The following IGSF3 variants were observed in gnomAD, a reference collection of about 807,000 sequenced individuals.
The protein encoded by IGSF3 is glu-Trp-Ile EWI motif-containing protein 3.
In IGSF3, 23 loss-of-function variants were observed where a neutral mutation model predicts 114.4. The observed-to-expected ratio is 0.20, with a 90% confidence interval of 0.14 to 0.28. IGSF3 has a LOEUF of 0.28. Among genes scored for constraint, IGSF3 ranks in the 10% least tolerant of loss-of-function variants. The pLI, the probability that IGSF3 is intolerant of heterozygous loss-of-function variation, is 1.00. For missense variants in IGSF3, 1,172 were observed against 1,591.5 expected (o/e 0.74, Z 4.48); for synonymous variants, 571 against 645.2 (o/e 0.88, Z 1.74).
chr1:116,650,139 T>C lies in IGSF3; in HGVS notation c.43+16145A>G, dbSNP rs1648569340. ...GAATGGTACAAGAAGAAATCCTGTT[T>C]CATGCTCCTTTGAGGGAGTGTCTAA... is the stretch of plus-strand genomic sequence containing the variant. On this transcript the variant is annotated intron_variant, in intron 2 of 10. Coordinates refer to ENST00000369486, the MANE Select transcript of IGSF3 (RefSeq NM_001007237.3). This position sits in a 1 kb window ranked among gnomAD's most constrained non-coding sequence, Gnocchi z 5.0. 6.6e-6 allele frequency among the ~76,000 whole-genome samples: 1 copy of C among 152,218 alleles called. No homozygotes were observed. The highest frequency in any genetic ancestry group is 2.4e-5 in the African/African-American group (1 of 41,454).
rs1660989096 is a variant in IGSF3, at chr1:116,610,746, A to C, written c.833-2415T>G. On this transcript the variant is annotated intron_variant, in intron 4 of 10. Transcript: ENST00000369486. This position sits in a 1 kb window ranked among gnomAD's most constrained non-coding sequence, Gnocchi z 4.3. ...CTGCTGTTCTCCCAGGTCCTTTCCC[A>C]TTTTTACCCCATGGGCTCTTCCAGG... Among the ~76,000 whole-genome samples, 1 of 151,348 alleles carries C rather than the reference A, an allele frequency of 6.6e-6. No homozygotes were observed. The highest frequency in any genetic ancestry group is 1.5e-5 in the Non-Finnish European group (1 of 67,866).
At position 116,665,197 on chromosome 1, in the gene IGSF3, C is replaced by T. The variant is rs146315104; in HGVS notation, c.43+1087G>A. 1.4e-4 allele frequency among the ~76,000 whole-genome samples: 22 copies of T among 152,292 alleles called. No individual in the cohort carries two copies. The East Asian group carries it at 3.9e-3, about 27-fold the overall frequency. ...CTCTAATTCTAAAGTCCATTCTCTTCCCACACACCTGTTACCTACTGCAAG... is the reference window on the plus strand; with the variant it reads ...CTCTAATTCTAAAGTCCATTCTCTTTCCACACACCTGTTACCTACTGCAAG... On this transcript the variant is annotated intron_variant, in intron 2 of 10. Transcript: ENST00000369486. This position sits in a 1 kb window ranked among gnomAD's most constrained non-coding sequence, Gnocchi z 4.0.
chr1:116,588,252 G>A lies in IGSF3; in HGVS notation c.2440+442C>T, dbSNP rs1557858386. On this transcript the variant is annotated intron_variant, in intron 8 of 10. Transcript: ENST00000369486. The surrounding 1 kb of genome is among the most constrained non-coding windows in gnomAD (Gnocchi z 4.9). ...GGAGATAGGAAAGGCTTGTCTGGGC[G>A]GGCTGGGAGCTAAGGAAGAAGGGGG... Among the ~76,000 whole-genome samples, 4 of 152,170 alleles carry A rather than the reference G, an allele frequency of 2.6e-5. No homozygotes were observed. The highest frequency in any genetic ancestry group is 4.4e-5 in the Non-Finnish European group (3 of 68,030).
Position 116,625,637 on chromosome 1 carries a change from G to T in IGSF3, c.44-9180C>A, listed in dbSNP as rs1258756594. Reference sequence around the variant, plus strand: ...CAGGTGGAGGACAGAGCAGAGGGCAGGACTGGAAGCAGACAGACCAAATTC... The same window carrying T: ...CAGGTGGAGGACAGAGCAGAGGGCATGACTGGAAGCAGACAGACCAAATTC... On this transcript the variant is annotated intron_variant, in intron 2 of 10. Coordinates refer to ENST00000369486, the MANE Select transcript of IGSF3 (RefSeq NM_001007237.3). The surrounding 1 kb of genome is among the most constrained non-coding windows in gnomAD (Gnocchi z 4.7). Among the ~76,000 whole-genome samples, 2 of 152,196 alleles carry T rather than the reference G, an allele frequency of 1.3e-5. No homozygotes were observed. Among genetic ancestry groups the T allele is most frequent in the African/African-American group, 2.4e-5 (1 of 41,442 alleles).
chr1:116,660,050 T>C (rs1408294521), intron 2 of IGSF3, among the ~76,000 whole-genome samples: 1 of 152,224 alleles, frequency 6.6e-6, no homozygotes. Context: ...AGCAGTGGCC[T>C]GGGCTCTGGG....
rs1393470819 is a variant in IGSF3 at position 116,618,219 on chromosome 1, G to GA, written c.44-1763dup. ...CCCATCTTGGCTTCAGCAGAATCAG[G>GA]AAAAATACAAAATTGGCAGGGGAAG... On this transcript the variant is annotated intron_variant, in intron 2 of 10. Transcript: ENST00000369486. The surrounding 1 kb of genome is among the most constrained non-coding windows in gnomAD (Gnocchi z 4.7). 2.6e-5 allele frequency among the ~76,000 whole-genome samples: 4 copies of GA among 152,230 alleles called. No individual in the cohort carries two copies. Among genetic ancestry groups the GA allele is most frequent in the African/African-American group, 4.8e-5 (2 of 41,460 alleles).
intron 5 of IGSF3, among the ~76,000 whole-genome samples, chr1:116,604,419 C>T (rs1660714446): frequency 6.6e-6 from 1 of 152,132 alleles, no homozygotes; most frequent in Non-Finnish European, 1.5e-5. Context: ...CTCCAAAATC[C>T]TACTTCACTT....
At position 116,615,083 on chromosome 1, in the gene IGSF3, T is replaced by C. The variant is rs1454179825; in HGVS notation, c.422-908A>G. ...TGAGGTCGGGAGTTCGAGACCAGCC[T>C]GACCAACATGGAGAAACCCCGTCTC... On this transcript the variant is annotated intron_variant, in intron 3 of 10. Coordinates refer to ENST00000369486, the MANE Select transcript of IGSF3 (RefSeq NM_001007237.3). The surrounding 1 kb of genome is among the most constrained non-coding windows in gnomAD (Gnocchi z 4.3). 2.0e-5 allele frequency among the ~76,000 whole-genome samples: 3 copies of C among 152,068 alleles called. No homozygotes were observed. The highest frequency in any genetic ancestry group is 4.4e-5 in the Non-Finnish European group (3 of 68,010).
In IGSF3 at chr1:116,607,099, G is replaced by T. The variant is rs1660820030; in HGVS notation, c.1222+843C>A. ...GAGAAAGAATAGTTTGAGCAGCTGA[G>T]ACAAGGTTAAAGGTTAGTCTTAAAA... On this transcript the variant is annotated intron_variant, in intron 5 of 10. Coordinates refer to ENST00000369486, the MANE Select transcript of IGSF3 (RefSeq NM_001007237.3). The surrounding 1 kb of genome is among the most constrained non-coding windows in gnomAD (Gnocchi z 6.1). Among the ~76,000 whole-genome samples, 1 of 152,216 alleles carries T rather than the reference G, an allele frequency of 6.6e-6. No homozygotes were observed. The highest frequency in any genetic ancestry group is 1.5e-5 in the Non-Finnish European group (1 of 68,050).
At position 116,575,054 on chromosome 1, in the gene IGSF3, T is replaced by C. The variant is rs2101259936; in HGVS notation, c.*2258A>G. On this transcript the variant is annotated 3_prime_UTR_variant, in exon 11 of 11. Coordinates refer to ENST00000369486, the MANE Select transcript of IGSF3 (RefSeq NM_001007237.3). This position sits in a 1 kb window ranked among gnomAD's most constrained non-coding sequence, Gnocchi z 5.6. ...TATCGCCGTGAACTGAAATCTAAGA[T>C]TTCAAACTGAAATCTTAGTTACACA... The C allele has an allele frequency of 6.5e-6, 1 of 152,704 alleles. No individual in the cohort carries two copies. The highest frequency in any genetic ancestry group is 2.1e-4 in the South Asian group (1 of 4,812). 9.5% of individuals were successfully genotyped at this position (152,704 alleles called of 1,614,324 possible).
chr1:116,647,142 G>C lies in IGSF3; in HGVS notation c.43+19142C>G, dbSNP rs923050551. Among the ~76,000 whole-genome samples, 3 of 152,220 alleles carry C rather than the reference G, an allele frequency of 2.0e-5. No individual in the cohort carries two copies. Among genetic ancestry groups the C allele is most frequent in the African/African-American group, 7.2e-5 (3 of 41,452 alleles). On this transcript the variant is annotated intron_variant, in intron 2 of 10. Transcript: ENST00000369486. The surrounding 1 kb of genome is among the most constrained non-coding windows in gnomAD (Gnocchi z 4.6). ...CAAAGGTATGGCAGGTGACAAAAAA[G>C]ATGAGGCTGAAGGTCAGGAGAGACC...
chr1:116,590,774 A>T (rs1285576073), intron 7 of IGSF3, among the ~76,000 whole-genome samples: 2 of 151,822 alleles, frequency 1.3e-5, no homozygotes, highest in Admixed American at 1.3e-4. Flanking sequence ...CCCATGCATC[A>T]CAGAACCAAA....
intron 6 of IGSF3, among the ~76,000 whole-genome samples, chr1:116,601,605 G>A (rs1660593688): frequency 6.6e-6 from 1 of 152,230 alleles, no homozygotes; most frequent in Non-Finnish European, 1.5e-5. Context: ...TCTGTAATGT[G>A]AAAGACTGGC....
rs150294223 is a variant in IGSF3 at position 116,581,774 on chromosome 1, C to T, written c.2849-1897G>A. On this transcript the variant is annotated intron_variant, in intron 9 of 10. Coordinates refer to ENST00000369486, the MANE Select transcript of IGSF3 (RefSeq NM_001007237.3). ...AGAACAGAATATGGCCGGGTGGGGACTATTCAATCAGTTCACAGGTAACTC... is the reference window on the plus strand; with the variant it reads ...AGAACAGAATATGGCCGGGTGGGGATTATTCAATCAGTTCACAGGTAACTC... Among the ~76,000 whole-genome samples the T allele has an allele frequency of 1.3e-4, 20 of 152,276 alleles. No individual in the cohort carries two copies. The East Asian group carries it at 2.1e-3, about 16-fold the overall frequency.
chr1:116,608,412 C>T, intron 4 of IGSF3, 81 bp from the exon 5 acceptor site: 2 of 942,540 alleles, frequency 2.1e-6, no homozygotes, highest in Non-Finnish European at 3.2e-6. Context: ...CACATTCCCA[C>T]TATCCTTCCT....
rs1476720094 is a variant in IGSF3 at position 116,616,064 on chromosome 1, G to C, written c.421+16C>G. The stretch of plus-strand genomic sequence containing the variant: ...TCAGGCCAGACGCTGGCAACGTGAA[G>C]ACAGCTTCTCCTTACCCACTAGGTT... On this transcript the variant is annotated intron_variant, in intron 3 of 10. Coordinates refer to ENST00000369486, the MANE Select transcript of IGSF3 (RefSeq NM_001007237.3). This position sits in a 1 kb window ranked among gnomAD's most constrained non-coding sequence, Gnocchi z 6.6. 1 of 1,582,286 alleles carries C rather than the reference G, an allele frequency of 6.3e-7. No individual in the cohort carries two copies. The highest frequency in any genetic ancestry group is 8.7e-7 in the Non-Finnish European group (1 of 1,154,810).
rs1382778135 is a variant in IGSF3, at chr1:116,625,661, T to A, written c.44-9204A>T. On this transcript the variant is annotated intron_variant, in intron 2 of 10. Coordinates refer to ENST00000369486, the MANE Select transcript of IGSF3 (RefSeq NM_001007237.3). The surrounding 1 kb of genome is among the most constrained non-coding windows in gnomAD (Gnocchi z 4.7). ...AGGACTGGAAGCAGACAGACCAAAT[T>A]CACAGTCAAATGCGACAAGATGAGG... Among the ~76,000 whole-genome samples the A allele has an allele frequency of 3.3e-5, 5 of 152,150 alleles. No homozygotes were observed. The South Asian group carries it at 8.3e-4, about 25-fold the overall frequency.
At position 116,636,067 on chromosome 1, in the gene IGSF3, A is replaced by G. The variant is rs1647814997; in HGVS notation, c.44-19610T>C. Among the ~76,000 whole-genome samples, 2 of 152,172 alleles carry G rather than the reference A, an allele frequency of 1.3e-5. No homozygotes were observed. The highest frequency in any genetic ancestry group is 1.3e-4 in the Admixed American group (2 of 15,268). On this transcript the variant is annotated intron_variant, in intron 2 of 10. Coordinates refer to ENST00000369486, the MANE Select transcript of IGSF3 (RefSeq NM_001007237.3). The surrounding 1 kb of genome is among the most constrained non-coding windows in gnomAD (Gnocchi z 4.5). ...TCCCAGTACACCTCCACTCGCCAGA[A>G]CAACTGTCTTCCTCACAGGTGCCAG...
At position 116,610,731 on chromosome 1, in the gene IGSF3, C is replaced by G. The variant is rs551163633; in HGVS notation, c.833-2400G>C. Among the ~76,000 whole-genome samples, 2 of 152,218 alleles carry G rather than the reference C, an allele frequency of 1.3e-5. No individual in the cohort carries two copies. The highest frequency in any genetic ancestry group is 4.2e-4 in the South Asian group (2 of 4,814). ...GGTCACCTCTTACTGCTGCTGTTCT[C>G]CCAGGTCCTTTCCCATTTTTACCCC... On this transcript the variant is annotated intron_variant, in intron 4 of 10. Transcript: ENST00000369486. This position sits in a 1 kb window ranked among gnomAD's most constrained non-coding sequence, Gnocchi z 4.3.
Sources: gnomAD v4.1 joint callset for allele counts (sites outside exome capture counted in the v4.1 genomes callset) on GRCh38, gnomAD v4.1.1 for gene constraint, Gnocchi (gnomAD v3.1) non-coding constraint, MANE v1.5 for transcripts, NCBI Gene and HGNC (gene_info 2026-07-23, HGNC 2026-07-21) for gene names.